Variants in SMIM8 observed in about 807,000 individuals in gnomAD.
SMIM8 encodes UPF0708 protein C6orf162.
A neutral mutation model predicts 8.1 loss-of-function variants in SMIM8; 8 were observed. That is an observed-to-expected ratio of 0.99 (90% CI 0.58 to 1.78). SMIM8 has a LOEUF of 1.78. SMIM8 is among the 40% of genes most tolerant of loss of function. The pLI is 0.00. For synonymous variants in SMIM8, 45 were observed against 39.7 expected, an observed-to-expected ratio of 1.13 and a Z score of -0.50; for missense variants, 126 against 119.8, an observed-to-expected ratio of 1.05 and a Z score of -0.24.
Position 87,339,051 on chromosome 6 carries a change from T to G in SMIM8, c.136-1065T>G, listed in dbSNP as rs573630780. On this transcript the variant is annotated intron_variant, in intron 3 of 3. Transcript: ENST00000392863. ...TCTACAAAAAAATTTAAAATTAGTC[T>G]GGCCACAGTGGCTCACACCAAGGTG... is the stretch of plus-strand genomic sequence containing the variant. Among the ~76,000 whole-genome samples the G allele has an allele frequency of 5.3e-5, 8 of 152,146 alleles. No individual in the cohort carries two copies. In the East Asian group the frequency reaches 1.5e-3, roughly 29 times the overall value.
intron 1 of SMIM8, among the ~76,000 whole-genome samples, chr6:87,325,215 C>T (rs140724647): frequency 0.11 from 17,362 of 151,200 alleles, 1,041 homozygotes; most frequent in East Asian, 0.13. Flanking sequence ...TCTGCAAACA[C>T]GGACAATTTG....
At chr6:87,339,413 C>CGTGTGTGT (rs554628565) in intron 3 of SMIM8, among the ~76,000 whole-genome samples, 2 of 88,454 alleles carry the variant, frequency 2.3e-5, no homozygotes, top group Non-Finnish European at 4.5e-5. Flanking sequence ...CAAAACACAG[C>CGTGTGTGT]GTGTGTGTGT....
At chr6:87,323,959 T>C (rs913334259) in intron 1 of SMIM8, among the ~76,000 whole-genome samples, 1 of 151,470 alleles carries the variant, frequency 6.6e-6, no homozygotes, top group Non-Finnish European at 1.5e-5. Context: ...TTTTAATGAT[T>C]GCCATTCTAA....
Position 87,337,021 on chromosome 6 carries a change from C to T in SMIM8, c.-11C>T, listed in dbSNP as rs1777127304. ...ATTTTGTTTTTAGATAATAAATCATCATTGATCAAGATGTCTTCAGCACCT... is the reference window on the plus strand; with the variant it reads ...ATTTTGTTTTTAGATAATAAATCATTATTGATCAAGATGTCTTCAGCACCT... On this transcript the variant is annotated 5_prime_UTR_variant, in exon 3 of 4. Transcript: ENST00000392863. 5.1e-6 allele frequency: 8 copies of T among 1,581,268 alleles called. No homozygotes were observed. Among genetic ancestry groups the T allele is most frequent in the Non-Finnish European group, 6.8e-6 (8 of 1,168,290 alleles).
chr6:87,340,100 T>C lies in SMIM8; in HGVS notation c.136-16T>C. 1 of 1,531,638 alleles carries C rather than the reference T, an allele frequency of 6.5e-7. No homozygotes were observed. Among genetic ancestry groups the C allele is most frequent in the Non-Finnish European group, 8.7e-7 (1 of 1,146,388 alleles). 94.9% of individuals were successfully genotyped at this position (1,531,638 alleles called of 1,614,324 possible). On this transcript the variant is annotated splice_polypyrimidine_tract_variant and intron_variant, in intron 3 of 3. Coordinates refer to ENST00000392863, the MANE Select transcript of SMIM8 (RefSeq NM_001042493.3). ...TTAGTCTTACTAAAGCTTTATAATT[T>C]TTTTTTCTTTGACAGAACAAACCTG... is the stretch of plus-strand genomic sequence containing the variant.
chr6:87,335,845 C>CA (rs35840147), intron 2 of SMIM8, among the ~76,000 whole-genome samples: 3,168 of 54,896 alleles, frequency 0.058, 20 homozygotes, highest in Non-Finnish European at 0.067. Flanking sequence ...CCGTCCCTAC[C>CA]AAAAAAAAAA....
At chr6:87,329,957 A>G (rs894488078) in intron 1 of SMIM8, among the ~76,000 whole-genome samples, 3 of 152,178 alleles carry the variant, frequency 2.0e-5, no homozygotes, top group African/African-American at 4.8e-5. Flanking sequence ...TATCTATGCA[A>G]TAGATAGTAT....
chr6:87,325,408 A>G (rs1238687316), intron 1 of SMIM8, among the ~76,000 whole-genome samples: 2 of 147,452 alleles, frequency 1.4e-5, no homozygotes, highest in Non-Finnish European at 3.0e-5. Flanking sequence ...TGGGTTTGTC[A>G]TAGATAGCTC....
rs929442126 is a variant in SMIM8 at position 87,340,570 on chromosome 6, C to A, written c.*296C>A. Reference sequence around the variant, plus strand: ...ATTAAATTCTGTATAATAAAAGTACCCATGCTGTTAAATTTGCATGATGTT... The same window carrying A: ...ATTAAATTCTGTATAATAAAAGTACACATGCTGTTAAATTTGCATGATGTT... On this transcript the variant is annotated 3_prime_UTR_variant, in exon 4 of 4. Transcript: ENST00000392863. 3.1e-5 allele frequency: 6 copies of A among 192,442 alleles called. No homozygotes were observed. The highest frequency in any genetic ancestry group is 1.2e-4 in the African/African-American group (5 of 43,090). 11.9% of individuals were successfully genotyped at this position (192,442 alleles called of 1,614,324 possible).
intron 1 of SMIM8, among the ~76,000 whole-genome samples, chr6:87,325,492 G>C (rs1176744193): frequency 1.1e-5 from 1 of 90,118 alleles, no homozygotes; most frequent in South Asian, 3.2e-4. Context: ...ATTGAATTTT[G>C]TCAAAGGCCT....
Position 87,341,845 on chromosome 6 carries a change from T to G in SMIM8, c.*1571T>G, listed in dbSNP as rs750270845. 6.6e-6 allele frequency: 1 copy of G among 152,250 alleles called. No homozygotes were observed. Among genetic ancestry groups the G allele is most frequent in the Non-Finnish European group, 1.5e-5 (1 of 68,052 alleles). The allele number at this position is 152,250 out of a possible 1,614,324, so 9.4% of individuals were successfully genotyped here. A position where few individuals can be genotyped will look rare whatever the true frequency, so the allele number is the denominator to read the frequency against. Reference sequence around the variant, plus strand: ...GATACAAAATCCCTTTTAAAGACTCTTTTGTTTTTGTTTTCCCTGTGTATT... The same window carrying G: ...GATACAAAATCCCTTTTAAAGACTCGTTTGTTTTTGTTTTCCCTGTGTATT... On this transcript the variant is annotated 3_prime_UTR_variant, in exon 4 of 4. Coordinates refer to ENST00000392863, the MANE Select transcript of SMIM8 (RefSeq NM_001042493.3).
intron 3 of SMIM8, among the ~76,000 whole-genome samples, chr6:87,339,430 G>A (rs1188820): frequency 0.47 from 63,139 of 134,432 alleles, 14,175 homozygotes; most frequent in Non-Finnish European, 0.49. Flanking sequence ...GTGTGTGTGT[G>A]TGTGTTTGTG....
Position 87,342,130 on chromosome 6 carries a change from G to A in SMIM8, c.*1856G>A, listed in dbSNP as rs183837194. 1 of 152,306 alleles carries A rather than the reference G, an allele frequency of 6.6e-6. No individual in the cohort carries two copies. Among genetic ancestry groups the A allele is most frequent in the Non-Finnish European group, 1.5e-5 (1 of 68,024 alleles). The allele number at this position is 152,306 out of a possible 1,614,324, so 9.4% of individuals were successfully genotyped here. On this transcript the variant is annotated 3_prime_UTR_variant, in exon 4 of 4. Transcript: ENST00000392863. ...GTCAAGCACAAAGCTGTGAAAAGTA[G>A]TGTGTGGAAAGAATCATACTGAATT...
intron 3 of SMIM8, 38 bp from the exon 4 acceptor site, chr6:87,340,078 G>T (rs781423054): frequency 6.8e-7 from 1 of 1,465,770 alleles, no homozygotes; most frequent in Non-Finnish European, 9.0e-7. Context: ...CAAATTGTTA[G>T]TCTTACTAAA....
At chr6:87,326,601 T>G (rs1459096954) in intron 1 of SMIM8, among the ~76,000 whole-genome samples, 1 of 148,284 alleles carries the variant, frequency 6.7e-6, no homozygotes, top group Non-Finnish European at 1.5e-5. Context: ...TAATCCTGAG[T>G]TCTAGTTTGA....
At chr6:87,327,598 C>T (rs1475048505) in intron 1 of SMIM8, among the ~76,000 whole-genome samples, 1 of 151,232 alleles carries the variant, frequency 6.6e-6, no homozygotes, top group Admixed American at 6.6e-5. Context: ...TCTCTTCTGG[C>T]TTGTAGAGTT....
At chr6:87,327,886 G>T (rs1172900458) in intron 1 of SMIM8, among the ~76,000 whole-genome samples, 1 of 149,780 alleles carries the variant, frequency 6.7e-6, no homozygotes, top group Non-Finnish European at 1.5e-5. Context: ...TCACTTTCAG[G>T]TACACCAATC....
chr6:87,341,207 T>C lies in SMIM8; in HGVS notation c.*933T>C. ...GAAGTTTATATGCCAGCAGGCCTTT[T>C]TGTTTTTTTCCTTTTCAGAATGTTT... On this transcript the variant is annotated 3_prime_UTR_variant, in exon 4 of 4. Coordinates refer to ENST00000392863, the MANE Select transcript of SMIM8 (RefSeq NM_001042493.3). The C allele has an allele frequency of 2.5e-6, 1 of 398,506 alleles. No homozygotes were observed. The highest frequency in any genetic ancestry group is 4.4e-5 in the Admixed American group (1 of 22,736). The allele number at this position is 398,506 out of a possible 1,614,324, so 24.7% of individuals were successfully genotyped here.
intron 2 of SMIM8, among the ~76,000 whole-genome samples, chr6:87,333,857 G>A (rs1777045998): frequency 6.6e-6 from 1 of 152,148 alleles, no homozygotes; most frequent in African/African-American, 2.4e-5. Context: ...GTCTCTTCTT[G>A]CGTCATTATA....
Sources: allele counts gnomAD v4.1 joint callset (sites outside exome capture counted in the v4.1 genomes callset), GRCh38; gene constraint gnomAD v4.1.1; transcripts MANE v1.5; gene names NCBI Gene and HGNC (gene_info 2026-07-23, HGNC 2026-07-21).